The following CENPK variants were observed in gnomAD, a reference collection of about 807,000 sequenced individuals.
CENPK encodes centromere protein K, also known as SoxLZ/Sox6-binding protein Solt.
CENPK carries 46 observed loss-of-function variants against 40.9 expected under a neutral mutation model. That is an observed-to-expected ratio of 1.13 (90% CI 0.89 to 1.44). CENPK has a LOEUF of 1.44. CENPK is among the 40% of genes most tolerant of loss of function. The pLI is 0.00. For missense variants in CENPK, 288 were observed against 303.5 expected (o/e 0.95, Z 0.38); for synonymous variants, 107 against 104.4 (o/e 1.02, Z -0.15).
At chr5:65,524,903 T>C (rs1744411964) in intron 9 of CENPK, among the ~76,000 whole-genome samples, 1 of 152,224 alleles carries the variant, frequency 6.6e-6, no homozygotes, top group East Asian at 1.9e-4. Context: ...AATTGAGATA[T>C]GAAGTTAAAC....
chr5:65,546,227 T>G (rs13182106), intron 5 of CENPK, among the ~76,000 whole-genome samples: 61,284 of 151,440 alleles, frequency 0.4, 12,672 homozygotes, highest in East Asian at 0.65. Context: ...TATTCTCCCC[T>G]GCCCCCCCGC....
At chr5:65,506,263 T>C in the CENPK span, among the ~76,000 whole-genome samples, 1 of 150,018 alleles carries the variant, frequency 6.7e-6, no homozygotes, top group Non-Finnish European at 1.5e-5. Flanking sequence ...CCTGTAGTCC[T>C]AGCTACTTGT....
At chr5:65,540,191 T>G (rs1227885353) in intron 6 of CENPK, among the ~76,000 whole-genome samples, 1 of 152,336 alleles carries the variant, frequency 6.6e-6, no homozygotes. Context: ...ATTAGCAATT[T>G]AAGTCATTTT....
chr5:65,520,750 T>C (rs1743577894), intron 10 of CENPK, among the ~76,000 whole-genome samples: 1 of 152,162 alleles, frequency 6.6e-6, no homozygotes, highest in Non-Finnish European at 1.5e-5. Context: ...CTGAAATCAC[T>C]CTTTCTTCAA....
At chr5:65,523,609 T>C (rs942619397) in intron 9 of CENPK, among the ~76,000 whole-genome samples, 2 of 152,190 alleles carry the variant, frequency 1.3e-5, no homozygotes, top group Non-Finnish European at 2.9e-5. Context: ...ACAATTATAG[T>C]ATTGATTAAT....
the CENPK span, among the ~76,000 whole-genome samples, chr5:65,504,383 G>C: frequency 2.1e-4 from 31 of 149,202 alleles, no homozygotes; most frequent in Admixed American, 1.9e-3. Flanking sequence ...TTGAAACTGG[G>C]AGATGGGAGG....
intron 10 of CENPK, 102 bp from the exon 11 acceptor site, chr5:65,518,735 A>G: frequency 1.5e-6 from 1 of 679,382 alleles, no homozygotes; most frequent in Non-Finnish European, 2.4e-6. Flanking sequence ...TTCTTTTTCA[A>G]CAACTGTTTA....
At chr5:65,506,166 T>C in the CENPK span, among the ~76,000 whole-genome samples, 1 of 151,730 alleles carries the variant, frequency 6.6e-6, no homozygotes, top group East Asian at 1.9e-4. Flanking sequence ...GGAGAATGTC[T>C]TGAGACCAAG....
At chr5:65,499,714 T>A in the CENPK span, among the ~76,000 whole-genome samples, 1 of 130,946 alleles carries the variant, frequency 7.6e-6, no homozygotes, top group Non-Finnish European at 1.6e-5. Context: ...CATGTGCACA[T>A]TGTGCAGGTT....
chr5:65,522,034 A>G lies in CENPK; in HGVS notation c.598-506T>C, dbSNP rs6860411. Among the ~76,000 whole-genome samples the G allele has an allele frequency of 5.9e-3, 898 of 152,348 alleles. 4 individuals are homozygous for G. The highest frequency in any genetic ancestry group is 0.021 in the African/African-American group (855 of 41,578). ...TCAGATTCATAAAAATGCAGTTGAA[A>G]TATCTTCTAAGACAGTGAAAACTCT... On this transcript the variant is annotated intron_variant, in intron 9 of 10. Coordinates refer to ENST00000396679, the MANE Select transcript of CENPK (RefSeq NM_022145.5).
chr5:65,550,690 A>G (rs1366816377), intron 5 of CENPK: 1 of 152,218 alleles, frequency 6.6e-6, no homozygotes, highest in East Asian at 1.9e-4. Flanking sequence ...TGCAAAGTGC[A>G]ATAAAGTGAA....
At chr5:65,549,781 C>G (rs1749645426) in intron 5 of CENPK, among the ~76,000 whole-genome samples, 1 of 152,132 alleles carries the variant, frequency 6.6e-6, no homozygotes, top group Non-Finnish European at 1.5e-5. Context: ...TACGCTTTGG[C>G]TTAGGGAATG....
intron 2 of CENPK, among the ~76,000 whole-genome samples, chr5:65,556,489 A>C (rs1751003226): frequency 6.6e-6 from 1 of 152,172 alleles, no homozygotes; most frequent in Admixed American, 6.5e-5. Flanking sequence ...TTAGAAAATA[A>C]AAAAAGAAAG....
At chr5:65,516,057 T>C (rs1742833516), downstream of CENPK, among the ~76,000 whole-genome samples, 1 of 152,196 alleles carries the variant, frequency 6.6e-6, no homozygotes, top group Non-Finnish European at 1.5e-5. Context: ...AACCTTATGT[T>C]AGTCAGGGTG....
intron 6 of CENPK, among the ~76,000 whole-genome samples, chr5:65,539,374 T>C (rs1171459548): frequency 6.6e-6 from 1 of 152,186 alleles, no homozygotes; most frequent in Non-Finnish European, 1.5e-5. Context: ...AACTGTGAAC[T>C]TGTGAAATCA....
chr5:65,507,494 T>G, the CENPK span, among the ~76,000 whole-genome samples: 2 of 152,280 alleles, frequency 1.3e-5, 1 homozygote, highest in East Asian at 3.9e-4. Context: ...TTCCTTCATT[T>G]TGATTTGCAC....
chr5:65,515,534 C>A (rs1742799242), downstream of CENPK, among the ~76,000 whole-genome samples: 1 of 152,262 alleles, frequency 6.6e-6, no homozygotes, highest in South Asian at 2.1e-4. Context: ...CTTGTAGTTT[C>A]ATTTATTTAG....
the CENPK span, among the ~76,000 whole-genome samples, chr5:65,498,937 T>C: frequency 2.0e-5 from 3 of 152,038 alleles, no homozygotes; most frequent in Non-Finnish European, 4.4e-5. Context: ...CCCGGTCTTG[T>C]ATTTGGTCAC....
chr5:65,549,766 T>C (rs1027409320), intron 5 of CENPK, among the ~76,000 whole-genome samples: 34 of 152,298 alleles, frequency 2.2e-4, no homozygotes, highest in African/African-American at 7.9e-4. Context: ...GGCTTTGTTG[T>C]GGATTACGCT....
Sources: allele counts gnomAD v4.1 joint callset (sites outside exome capture counted in the v4.1 genomes callset), GRCh38; gene constraint gnomAD v4.1.1; transcripts MANE v1.5; gene names NCBI Gene and HGNC (gene_info 2026-07-23, HGNC 2026-07-21).